Variants in SPSB1 observed in about 807,000 individuals in gnomAD.
The protein encoded by SPSB1 is splA/ryanodine receptor domain and SOCS box containing 1, also known as SPRY domain-containing SOCS box protein 1.
SPSB1 carries 8 observed loss-of-function variants against 21.2 expected under a neutral mutation model. The ratio of observed to expected loss-of-function variants is 0.38; its 90% CI spans 0.22 to 0.68. The LOEUF (loss-of-function observed/expected upper bound fraction) is 0.68, where lower values mean the gene tolerates loss of function less well. SPSB1 is among the 30% of genes least tolerant of loss of function. The probability of loss-of-function intolerance (pLI) is 0.53; values close to 1 mark genes in which losing one functional copy is unlikely to be tolerated. For synonymous variants in SPSB1, 169 were observed against 161.7 expected (o/e 1.05, Z -0.34); for missense variants, 242 against 377.8 (o/e 0.64, Z 2.98).
chr1:9,304,328 G>A (rs1322228809), intron 1 of SPSB1, among the ~76,000 whole-genome samples: 3 of 152,166 alleles, frequency 2.0e-5, no homozygotes, highest in Admixed American at 1.3e-4. Context: ...CTTGCAGATG[G>A]CCTGTAGTGG....
At chr1:9,335,637 C>T (rs756716344) in intron 1 of SPSB1, among the ~76,000 whole-genome samples, 53 of 152,182 alleles carry the variant, frequency 3.5e-4, no homozygotes, top group African/African-American at 1.1e-3. Context: ...CCCATCTCTA[C>T]AAAAACTAAA....
At chr1:9,300,872 C>T (rs1465892190) in intron 1 of SPSB1, among the ~76,000 whole-genome samples, 1 of 152,230 alleles carries the variant, frequency 6.6e-6, no homozygotes, top group East Asian at 1.9e-4. Context: ...GGAGTTCCCT[C>T]TGATCGATTG....
chr1:9,330,884 C>T (rs938556988), intron 1 of SPSB1, among the ~76,000 whole-genome samples: 1 of 152,030 alleles, frequency 6.6e-6, no homozygotes, highest in Non-Finnish European at 1.5e-5. Flanking sequence ...CAGTGATACC[C>T]AAGGGTTCCG....
chr1:9,355,568 C>T (rs1044300430), intron 1 of SPSB1, 175 bp from the exon 2 acceptor site: 6 of 603,488 alleles, frequency 9.9e-6, no homozygotes, highest in African/African-American at 5.8e-5. Flanking sequence ...TGACAGCTAG[C>T]CAGGGAACGG....
chr1:9,361,136 A>C (rs2012105), intron 2 of SPSB1, among the ~76,000 whole-genome samples: 103,304 of 139,794 alleles, frequency 0.74, 38,314 homozygotes, highest in East Asian at 0.94. Flanking sequence ...CTGGCCAGGC[A>C]TGGCTGGATC....
At chr1:9,336,019 G>A (rs1427284756) in intron 1 of SPSB1, among the ~76,000 whole-genome samples, 1 of 152,192 alleles carries the variant, frequency 6.6e-6, no homozygotes, top group Non-Finnish European at 1.5e-5. Flanking sequence ...GACCTAGTGT[G>A]TGCTGGGAAC....
At chr1:9,339,265 C>T (rs989561288) in intron 1 of SPSB1, 7 of 985,240 alleles carry the variant, frequency 7.1e-6, no homozygotes, top group Admixed American at 1.2e-4. Context: ...CCAGGTCCCC[C>T]GGTAGGTATC....
chr1:9,366,983 C>T (rs1640583489), intron 2 of SPSB1, among the ~76,000 whole-genome samples: 1 of 152,244 alleles, frequency 6.6e-6, no homozygotes, highest in South Asian at 2.1e-4. Context: ...GAAGAGCTGG[C>T]TCCCATGTGT....
rs1639773215 is a variant in SPSB1 at position 9,324,140 on chromosome 1, A to G, written c.-150+31069A>G. ...AGTCCATATCTTTTTTTGTGTGCCA[A>G]AGTGGGGAACCATATTTCTGGTAGA... is the stretch of plus-strand genomic sequence containing the variant. On this transcript the variant is annotated intron_variant, in intron 1 of 2. Transcript: ENST00000328089. This position sits in a 1 kb window ranked among gnomAD's most constrained non-coding sequence, Gnocchi z 4.3. Among the ~76,000 whole-genome samples the G allele has an allele frequency of 6.6e-6, 1 of 152,116 alleles. No homozygotes were observed. The highest frequency in any genetic ancestry group is 2.4e-5 in the African/African-American group (1 of 41,428).
intron 1 of SPSB1, among the ~76,000 whole-genome samples, chr1:9,338,414 G>A (rs1229579950): frequency 1.3e-5 from 2 of 152,224 alleles, no homozygotes; most frequent in Non-Finnish European, 2.9e-5. Context: ...CTGCGCCTAA[G>A]GCCCCTCCAG....
chr1:9,322,786 G>A (rs72642750), intron 1 of SPSB1, among the ~76,000 whole-genome samples: 3,275 of 152,300 alleles, frequency 0.022, 42 homozygotes, highest in Non-Finnish European at 0.033. Flanking sequence ...TGTTCTGGCC[G>A]GTCTGATGGT....
chr1:9,339,107 A>T, intron 1 of SPSB1: 2 of 574,664 alleles, frequency 3.5e-6, no homozygotes, highest in South Asian at 7.6e-5. Flanking sequence ...GATCCAGCCC[A>T]GGCAAGGCAG....
chr1:9,314,131 G>A (rs574659900), intron 1 of SPSB1, among the ~76,000 whole-genome samples: 155 of 149,860 alleles, frequency 1.0e-3, no homozygotes, highest in Non-Finnish European at 2.0e-3. Context: ...AGCTGAGATC[G>A]CACTACTGCA....
intron 2 of SPSB1, among the ~76,000 whole-genome samples, chr1:9,366,368 G>A (rs185637796): frequency 1.0e-3 from 152 of 152,362 alleles, no homozygotes; most frequent in African/African-American, 3.5e-3. Flanking sequence ...GGGTTTCTCT[G>A]TCTCCATGTG....
rs369701535 is a variant in SPSB1, at chr1:9,332,834, T to A, written c.-149-22909T>A. Reference sequence around the variant, plus strand: ...GGAGGTCATGATCTTGGAAGAGCATTTTCCCTGCAGGGTCTAGGCCTGAGG... The same window carrying A: ...GGAGGTCATGATCTTGGAAGAGCATATTCCCTGCAGGGTCTAGGCCTGAGG... On this transcript the variant is annotated intron_variant, in intron 1 of 2. Transcript: ENST00000328089. Among the ~76,000 whole-genome samples the A allele has an allele frequency of 4.6e-5, 7 of 152,156 alleles. No homozygotes were observed. In the East Asian group the frequency reaches 7.7e-4, roughly 17 times the overall value.
At chr1:9,347,945 T>C (rs1444160291) in intron 1 of SPSB1, among the ~76,000 whole-genome samples, 3,498 of 36,018 alleles carry the variant, frequency 0.097, 165 homozygotes, top group African/African-American at 0.24. Context: ...CCCTGCAACT[T>C]TTTTTTTTTT....
chr1:9,311,392 A>G (rs987669820), intron 1 of SPSB1, among the ~76,000 whole-genome samples: 2 of 152,078 alleles, frequency 1.3e-5, no homozygotes, highest in African/African-American at 4.8e-5. Flanking sequence ...GGAGATTTTT[A>G]TAATGGAAAA....
chr1:9,335,774 C>T (rs770530546), intron 1 of SPSB1, among the ~76,000 whole-genome samples: 1 of 152,196 alleles, frequency 6.6e-6, no homozygotes, highest in Non-Finnish European at 1.5e-5. Context: ...TGCCACTGCA[C>T]TCCAGCCTGG....
chr1:9,320,697 C>T (rs948240943), intron 1 of SPSB1, among the ~76,000 whole-genome samples: 2 of 152,214 alleles, frequency 1.3e-5, no homozygotes, highest in African/African-American at 2.4e-5. Context: ...GACTTAGGGT[C>T]GTGACTGCAC....
Sources: allele counts gnomAD v4.1 joint callset (sites outside exome capture counted in the v4.1 genomes callset), GRCh38; gene constraint gnomAD v4.1.1; non-coding constraint Gnocchi (gnomAD v3.1); transcripts MANE v1.5; gene names NCBI Gene and HGNC (gene_info 2026-07-23, HGNC 2026-07-21).